KCNH5: variants seen among roughly 807,000 people sequenced by gnomAD.
KCNH5 encodes potassium voltage-gated channel subfamily H member 5.
A neutral mutation model predicts 96.1 loss-of-function variants in KCNH5; 46 were observed. The ratio of observed to expected loss-of-function variants is 0.48; its 90% CI spans 0.38 to 0.61. KCNH5 has a LOEUF of 0.61. Among genes scored for constraint, KCNH5 ranks in the 20% least tolerant of loss-of-function variants. The probability of loss-of-function intolerance (pLI) is 0.00; values close to 1 mark genes in which losing one functional copy is unlikely to be tolerated. For missense variants in KCNH5, 907 were observed against 1,225.8 expected, an observed-to-expected ratio of 0.74 and a Z score of 3.88; for synonymous variants, 439 against 449.8, an observed-to-expected ratio of 0.98 and a Z score of 0.30.
At chr14:62,908,918 C>CTACT (rs1459711720) in intron 7 of KCNH5, among the ~76,000 whole-genome samples, 2 of 149,622 alleles carry the variant, frequency 1.3e-5, no homozygotes, top group Non-Finnish European at 3.0e-5. Context: ...ACTCATTGAC[C>CTACT]TACTACCTGA....
intron 7 of KCNH5, among the ~76,000 whole-genome samples, chr14:62,909,830 A>AC (rs1466945060): frequency 6.6e-6 from 1 of 150,936 alleles, no homozygotes. Flanking sequence ...GAGAGTACAA[A>AC]CCCCCCAAAC....
chr14:62,868,231 C>T (rs1888175129), intron 7 of KCNH5, among the ~76,000 whole-genome samples: 1 of 152,226 alleles, frequency 6.6e-6, no homozygotes, highest in African/African-American at 2.4e-5. Flanking sequence ...ACATTCTTCC[C>T]ACCAGGAACT....
At chr14:62,911,282 C>CT (rs547182329) in intron 7 of KCNH5, among the ~76,000 whole-genome samples, 1,445 of 134,938 alleles carry the variant, frequency 0.011, 13 homozygotes, top group East Asian at 0.046. Flanking sequence ...TTTTTTTTTT[C>CT]TTTTTTTTTT....
intron 10 of KCNH5, among the ~76,000 whole-genome samples, chr14:62,710,536 T>A (rs1884545725): frequency 6.6e-6 from 1 of 152,218 alleles, no homozygotes; most frequent in African/African-American, 2.4e-5. Flanking sequence ...TTTCAGCCCC[T>A]TTTTGAAAAA....
intron 7 of KCNH5, among the ~76,000 whole-genome samples, chr14:62,924,987 G>A (rs1889446296): frequency 6.6e-6 from 1 of 151,984 alleles, no homozygotes; most frequent in Non-Finnish European, 1.5e-5. Flanking sequence ...AAAGGTAACT[G>A]TGAGGTGGTG....
chr14:63,005,790 T>C (rs760420882), intron 3 of KCNH5, among the ~76,000 whole-genome samples: 1 of 152,158 alleles, frequency 6.6e-6, no homozygotes, highest in African/African-American at 2.4e-5. Flanking sequence ...CCTTACCACA[T>C]ACAAATCTCA....
chr14:63,027,494 A>G (rs1891545749), intron 1 of KCNH5, among the ~76,000 whole-genome samples: 1 of 151,048 alleles, frequency 6.6e-6, no homozygotes, highest in Non-Finnish European at 1.5e-5. Flanking sequence ...AAAAAAAAAA[A>G]CTCTGAGTTG....
In KCNH5 at chr14:62,706,352, G is replaced by A. The variant is rs1208025204; in HGVS notation, c.*1156C>T. On this transcript the variant is annotated 3_prime_UTR_variant, in exon 11 of 11. Transcript: ENST00000322893. The stretch of plus-strand genomic sequence containing the variant: ...TGATAGAAAAGCAGTTATCTGAGTC[G>A]AGCAACTTAATGTCTACTTCTTGGT... 4 of 152,058 alleles carry A rather than the reference G, an allele frequency of 2.6e-5. No homozygotes were observed. Among genetic ancestry groups the A allele is most frequent in the Admixed American group, 6.6e-5 (1 of 15,266 alleles). 9.4% of individuals were successfully genotyped at this position (152,058 alleles called of 1,614,324 possible).
chr14:62,988,228 C>T (rs1890745943), intron 4 of KCNH5, among the ~76,000 whole-genome samples: 1 of 152,052 alleles, frequency 6.6e-6, no homozygotes. Flanking sequence ...ATCTCAAAAG[C>T]TCCAATTCAT....
chr14:62,759,911 C>T lies in KCNH5; in HGVS notation c.2019+19817G>A, dbSNP rs1016310300. Among the ~76,000 whole-genome samples, 7 of 152,268 alleles carry T rather than the reference C, an allele frequency of 4.6e-5. No homozygotes were observed. In the South Asian group the frequency reaches 6.2e-4, roughly 14 times the overall value. On this transcript the variant is annotated intron_variant, in intron 10 of 10. Transcript: ENST00000322893. ...GAAGAAGCCAGCTTCACCTGAACGG[C>T]GGGGATAGGCCCATGTCAGGCACTT...
At chr14:62,863,430 C>A (rs1888074946) in intron 7 of KCNH5, among the ~76,000 whole-genome samples, 1 of 152,138 alleles carries the variant, frequency 6.6e-6, no homozygotes, top group African/African-American at 2.4e-5. Context: ...TATGGCTAAT[C>A]ACAAGGTGAA....
intron 10 of KCNH5, among the ~76,000 whole-genome samples, chr14:62,709,024 C>T (rs888077362): frequency 1.3e-5 from 2 of 151,340 alleles, no homozygotes; most frequent in African/African-American, 4.9e-5. Context: ...GGCGGGCGGA[C>T]CACGAGGTCA....
At position 62,908,782 on chromosome 14, in the gene KCNH5, A is replaced by ATTTTTTTTTTTTTTTTTTTTTTT. The variant is rs71120241; in HGVS notation, c.1369+41328_1369+41350dup. Reference sequence around the variant, plus strand: ...TTGCCCTTTGTTGATTTTGCTTTGTATTTTTTTTTTTTTTTTTTTTTTTTT... The same window carrying ATTTTTTTTTTTTTTTTTTTTTTT: ...TTGCCCTTTGTTGATTTTGCTTTGTATTTTTTTTTTTTTTTTTTTTTTTTTTTTTTTTTTTTTTTTTTTTTTTT... On this transcript the variant is annotated intron_variant, in intron 7 of 10. Transcript: ENST00000322893. Among the ~76,000 whole-genome samples the ATTTTTTTTTTTTTTTTTTTTTTT allele has an allele frequency of 5.5e-4, 13 of 23,718 alleles. 4 individuals are homozygous for ATTTTTTTTTTTTTTTTTTTTTTT. Among genetic ancestry groups the ATTTTTTTTTTTTTTTTTTTTTTT allele is most frequent in the Non-Finnish European group, 8.4e-4 (12 of 14,346 alleles). The allele number at this position is 23,718 out of a possible 152,430, so 15.6% of individuals were successfully genotyped here.
At chr14:63,032,488 G>T (rs1457511174) in intron 1 of KCNH5, among the ~76,000 whole-genome samples, 1 of 152,150 alleles carries the variant, frequency 6.6e-6, no homozygotes, top group Admixed American at 6.5e-5. Flanking sequence ...TGAAGCAAAA[G>T]TGACCCATTA....
rs1886843898 is a variant in KCNH5 at position 62,810,152 on chromosome 14, T to G, written c.1570-7571A>C. On this transcript the variant is annotated intron_variant, in intron 8 of 10. Transcript: ENST00000322893. Reference sequence around the variant, plus strand: ...TGAATGATTCCTTAAACTAAACACTTATCAATCTTCCAGATATCACCTCTT... The same window carrying G: ...TGAATGATTCCTTAAACTAAACACTGATCAATCTTCCAGATATCACCTCTT... Among the ~76,000 whole-genome samples, 3 of 152,256 alleles carry G rather than the reference T, an allele frequency of 2.0e-5. No individual in the cohort carries two copies. In the South Asian group the frequency reaches 6.2e-4, roughly 32 times the overall value.
At chr14:62,820,300 GCTTTT>G in intron 8 of KCNH5, among the ~76,000 whole-genome samples, 1 of 151,242 alleles carries the variant, frequency 6.6e-6, no homozygotes, top group South Asian at 2.1e-4. Flanking sequence ...GGTTAATTCA[GCTTTT>G]CTTTATTTTT....
At chr14:62,720,006 G>C (rs1329181479) in intron 10 of KCNH5, among the ~76,000 whole-genome samples, 2 of 152,206 alleles carry the variant, frequency 1.3e-5, no homozygotes, top group East Asian at 3.8e-4. Context: ...TTTATATGAT[G>C]TCTGACGGTG....
chr14:62,926,708 G>A (rs1457190166), intron 7 of KCNH5, among the ~76,000 whole-genome samples: 1 of 152,076 alleles, frequency 6.6e-6, no homozygotes, highest in African/African-American at 2.4e-5. Context: ...TTCTTATGAG[G>A]AGACCAGCTC....
chr14:62,701,296 T>C lies in KCNH5; in HGVS notation c.*6212A>G, dbSNP rs1157997619. Reference sequence around the variant, plus strand: ...TTTTGTTAAAACCTTAATGACAATGTGTCATCTTAAAAACAAATAAACAAA... The same window carrying C: ...TTTTGTTAAAACCTTAATGACAATGCGTCATCTTAAAAACAAATAAACAAA... On this transcript the variant is annotated 3_prime_UTR_variant, in exon 11 of 11. Coordinates refer to ENST00000322893, the MANE Select transcript of KCNH5 (RefSeq NM_139318.5). 1 of 152,164 alleles carries C rather than the reference T, an allele frequency of 6.6e-6. No individual in the cohort carries two copies. Among genetic ancestry groups the C allele is most frequent in the Non-Finnish European group, 1.5e-5 (1 of 68,000 alleles). 9.4% of individuals were successfully genotyped at this position (152,164 alleles called of 1,614,324 possible).
Sources: allele counts gnomAD v4.1 joint callset (sites outside exome capture counted in the v4.1 genomes callset), GRCh38; gene constraint gnomAD v4.1.1; transcripts MANE v1.5; gene names NCBI Gene and HGNC (gene_info 2026-07-23, HGNC 2026-07-21).